DSE: variants seen among roughly 807,000 people sequenced by gnomAD.
The protein encoded by DSE is dermatan-sulfate epimerase.
DSE carries 36 observed loss-of-function variants against 84.4 expected under a neutral mutation model. The ratio of observed to expected loss-of-function variants is 0.43; its 90% confidence interval spans 0.33 to 0.56. The LOEUF (loss-of-function observed/expected upper bound fraction) is 0.56, where lower values mean the gene tolerates loss of function less well. Among genes scored for constraint, DSE ranks in the 20% least tolerant of loss-of-function variants. The pLI is 0.06. For synonymous variants in DSE, 410 were observed against 430.1 expected, an observed-to-expected ratio of 0.95 and a Z score of 0.58; for missense variants, 862 against 1,169.6, an observed-to-expected ratio of 0.74 and a Z score of 3.84.
At position 116,426,766 on chromosome 6, in the gene DSE, C is replaced by T; in HGVS notation, c.609C>T (p.His203=). 6.2e-7 allele frequency: 1 copy of T among 1,614,198 alleles called. No homozygotes were observed. The highest frequency in any genetic ancestry group is 2.2e-5 in the East Asian group (1 of 44,884). The change falls in exon 3 of 6, where the codon CAC becomes CAT. Residue 203 remains histidine (H), a synonymous_variant. Transcript: ENST00000644252. ...GAGGATGGGGATTTCAATACCTGCA[C>T]AATCATCAGCCCACCAACTGTATGG... The part of the protein sequence containing the change: ...YRRGWGFQYL[H]NHQPTNCMAL...
intron 2 of DSE, among the ~76,000 whole-genome samples, chr6:116,410,536 A>G (rs9488924): frequency 0.036 from 5,535 of 152,184 alleles, 338 homozygotes; most frequent in African/African-American, 0.13. Context: ...GATCGAGACC[A>G]TCATGGCTAA....
intron 2 of DSE, chr6:116,276,882 C>G (rs1172244671): frequency 6.6e-6 from 1 of 152,170 alleles, no homozygotes; most frequent in African/African-American, 2.4e-5. Flanking sequence ...GGAAAATTAT[C>G]ATGTAAGACA....
At chr6:116,371,323 T>G (rs558883066) in intron 1 of DSE, among the ~76,000 whole-genome samples, 23 of 152,256 alleles carry the variant, frequency 1.5e-4, no homozygotes, top group African/African-American at 5.5e-4. Context: ...GCGTGAAGCC[T>G]GAGCCACGGG....
intron 2 of DSE, among the ~76,000 whole-genome samples, chr6:116,362,854 C>T (rs540696796): frequency 6.6e-6 from 1 of 152,250 alleles, no homozygotes; most frequent in East Asian, 1.9e-4. Flanking sequence ...TAAAGTATAA[C>T]CATACTTGAG....
At chr6:116,311,577 A>T (rs1330382828) in intron 2 of DSE, among the ~76,000 whole-genome samples, 2 of 152,242 alleles carry the variant, frequency 1.3e-5, no homozygotes, top group Non-Finnish European at 2.9e-5. Flanking sequence ...ATATAATAGA[A>T]TAAAATGCAC....
intron 1 of DSE, among the ~76,000 whole-genome samples, chr6:116,395,970 G>A (rs1159080957): frequency 6.6e-6 from 1 of 152,108 alleles, no homozygotes; most frequent in African/African-American, 2.4e-5. Context: ...TTAAACTAGT[G>A]GATAGTTTTT....
chr6:116,315,242 C>T (rs757121227), intron 2 of DSE, among the ~76,000 whole-genome samples: 4 of 152,080 alleles, frequency 2.6e-5, no homozygotes, highest in Non-Finnish European at 5.9e-5. Context: ...ATCTTCAGAA[C>T]TCTGTGAGGG....
chr6:116,379,100 T>G (rs1780083313), intron 1 of DSE, among the ~76,000 whole-genome samples: 2 of 152,166 alleles, frequency 1.3e-5, no homozygotes, highest in African/African-American at 4.8e-5. Flanking sequence ...GTTTTAGGCC[T>G]GTGGTTCTGT....
intron 2 of DSE, chr6:116,279,982 A>T (rs1440037160): frequency 1.8e-6 from 2 of 1,130,516 alleles, no homozygotes; most frequent in African/African-American, 3.1e-5. Context: ...GTATCGCGAG[A>T]ACTTGCTGAG....
chr6:116,329,766 T>C (rs1011528888), intron 2 of DSE, among the ~76,000 whole-genome samples: 9 of 152,244 alleles, frequency 5.9e-5, no homozygotes, highest in African/African-American at 2.2e-4. Flanking sequence ...ATGCTCAAAG[T>C]CAGAAAACAT....
At chr6:116,401,400 C>A (rs1382122509) in intron 2 of DSE, 3 of 151,982 alleles carry the variant, frequency 2.0e-5, no homozygotes, top group African/African-American at 7.2e-5. Context: ...TAACTCTAGG[C>A]CATTATCTAG....
rs1432483265 is a variant in DSE at position 116,442,957 on chromosome 6, T to A, written c.*5612T>A. ...CCCCATATTCCATATGTTTACTCCC[T>A]GGGGTGAGGTGGGGCAGGGAGGGGG... On this transcript the variant is annotated 3_prime_UTR_variant, in exon 6 of 6. Transcript: ENST00000644252. 6.6e-6 allele frequency: 1 copy of A among 152,036 alleles called. No individual in the cohort carries two copies. Among genetic ancestry groups the A allele is most frequent in the African/African-American group, 2.4e-5 (1 of 41,364 alleles). 9.4% of individuals were successfully genotyped at this position (152,036 alleles called of 1,614,324 possible). A position where few individuals can be genotyped will look rare whatever the true frequency, so the allele number is the denominator to read the frequency against.
chr6:116,314,235 T>A (rs1036874352), intron 2 of DSE, among the ~76,000 whole-genome samples: 10 of 152,214 alleles, frequency 6.6e-5, no homozygotes, highest in Non-Finnish European at 1.0e-4. Context: ...ATCATATTTT[T>A]AAAAATCATT....
chr6:116,376,086 C>G (rs1779906369), intron 1 of DSE, among the ~76,000 whole-genome samples: 1 of 152,194 alleles, frequency 6.6e-6, no homozygotes, highest in Admixed American at 6.5e-5. Context: ...ATCCCTTTTA[C>G]TACTCACTAC....
intron 2 of DSE, among the ~76,000 whole-genome samples, chr6:116,337,835 G>A (rs1777342875): frequency 6.6e-6 from 1 of 152,086 alleles, no homozygotes. Context: ...GCAAAAATGT[G>A]TAATTTTGTT....
intron 2 of DSE, among the ~76,000 whole-genome samples, chr6:116,335,897 A>G (rs556804929): frequency 2.0e-5 from 3 of 152,340 alleles, no homozygotes; most frequent in Non-Finnish European, 2.9e-5. Context: ...TTGGGGCTCT[A>G]TCAGCTTCCT....
At chr6:116,378,202 G>A (rs1254812480) in intron 1 of DSE, among the ~76,000 whole-genome samples, 5 of 152,152 alleles carry the variant, frequency 3.3e-5, no homozygotes, top group African/African-American at 1.2e-4. Flanking sequence ...GGTAAATACA[G>A]GGAAGTTTTT....
intron 1 of DSE, among the ~76,000 whole-genome samples, chr6:116,392,136 A>G (rs888248756): frequency 1.3e-5 from 2 of 152,212 alleles, no homozygotes; most frequent in Non-Finnish European, 2.9e-5. Context: ...GTGTTCCCCA[A>G]AGCACTTGGA....
intron 2 of DSE, among the ~76,000 whole-genome samples, chr6:116,359,045 G>A (rs953439932): frequency 1.3e-5 from 2 of 151,938 alleles, no homozygotes; most frequent in African/African-American, 4.8e-5. Context: ...AAATCTATTT[G>A]GTTGATCAAA....
Sources: gnomAD v4.1 joint callset for allele counts (sites outside exome capture counted in the v4.1 genomes callset) on GRCh38, gnomAD v4.1.1 for gene constraint, MANE v1.5 for transcripts, NCBI Gene and HGNC (gene_info 2026-07-23, HGNC 2026-07-21) for gene names.